The following RAB7A variants were observed in gnomAD, a reference collection of about 807,000 sequenced individuals.
RAB7A encodes the protein ras-related protein Rab-7a.
Under a neutral mutation model 24.5 loss-of-function variants are expected in RAB7A, and 2 were observed. That is an observed-to-expected ratio of 0.08 (90% CI 0.03 to 0.26). RAB7A has a LOEUF of 0.26. Ranked by LOEUF, RAB7A falls within the 10% of genes least tolerant of loss-of-function variation. The pLI is 1.00. For synonymous variants in RAB7A, 100 were observed against 95.9 expected, an observed-to-expected ratio of 1.04 and a Z score of -0.25; for missense variants, 118 against 255.7, an observed-to-expected ratio of 0.46 and a Z score of 3.67.
intron 1 of RAB7A, among the ~76,000 whole-genome samples, chr3:128,736,702 A>G (rs1326952746): frequency 1.3e-5 from 2 of 152,190 alleles, no homozygotes; most frequent in African/African-American, 2.4e-5. Flanking sequence ...AAATTTAAAT[A>G]CAGTTGAATA....
chr3:128,780,227 A>G (rs1334734673), intron 1 of RAB7A, among the ~76,000 whole-genome samples: 1 of 152,324 alleles, frequency 6.6e-6, no homozygotes, highest in East Asian at 1.9e-4. Context: ...TAGAAATCCT[A>G]TCTCTAGGAA....
chr3:128,799,151 C>T (rs1559795682), intron 3 of RAB7A: 1 of 152,934 alleles, frequency 6.5e-6, no homozygotes, highest in Non-Finnish European at 1.5e-5. Context: ...GGGAGCACAG[C>T]CTAATAAGAA....
In RAB7A at chr3:128,734,438, G is replaced by A. The variant is rs368839695; in HGVS notation, c.-9+8079G>A. Among the ~76,000 whole-genome samples, 224 of 116,194 alleles carry A rather than the reference G, an allele frequency of 1.9e-3. 2 individuals carry two copies. In the Middle Eastern group the frequency reaches 0.083, roughly 43 times the overall value. 76.2% of individuals were successfully genotyped at this position (116,194 alleles called of 152,430 possible). ...CCACTGCACTCTAGCCTGGGCGACA[G>A]AATGAGACCCTACCTCAAAAAAAAA... On this transcript the variant is annotated intron_variant, in intron 1 of 5. Coordinates refer to ENST00000265062, the MANE Select transcript of RAB7A (RefSeq NM_004637.6).
chr3:128,760,301 G>A (rs550308391), intron 1 of RAB7A, among the ~76,000 whole-genome samples: 3 of 152,202 alleles, frequency 2.0e-5, no homozygotes, highest in African/African-American at 4.8e-5. Flanking sequence ...CAGCTCTCCC[G>A]ATTCTCAGAC....
chr3:128,765,794 T>C (rs2070825821), intron 1 of RAB7A, among the ~76,000 whole-genome samples: 1 of 148,916 alleles, frequency 6.7e-6, no homozygotes, highest in South Asian at 2.1e-4. Context: ...AGAGTTTCTC[T>C]CTTGTCGCCC....
At chr3:128,796,133 G>A (rs929974107) in intron 2 of RAB7A, among the ~76,000 whole-genome samples, 3 of 152,104 alleles carry the variant, frequency 2.0e-5, no homozygotes, top group Non-Finnish European at 4.4e-5. Flanking sequence ...AGCCTGGGAC[G>A]GCAGAACTGG....
intron 1 of RAB7A, chr3:128,765,087 G>A: frequency 1.2e-6 from 1 of 869,398 alleles, no homozygotes; most frequent in Middle Eastern, 3.2e-4. Context: ...CCTTGGGATG[G>A]TCCGAGGGTG....
chr3:128,738,099 C>G (rs2070510718), intron 1 of RAB7A, among the ~76,000 whole-genome samples: 1 of 152,058 alleles, frequency 6.6e-6, no homozygotes, highest in South Asian at 2.1e-4. Context: ...GTGGCCTGAA[C>G]ACAGCTCACT....
intron 1 of RAB7A, among the ~76,000 whole-genome samples, chr3:128,772,959 G>A (rs950702388): frequency 2.0e-5 from 3 of 152,156 alleles, no homozygotes; most frequent in Non-Finnish European, 4.4e-5. Context: ...CCTCCCAGCC[G>A]CCTGCCTTGG....
At chr3:128,749,739 A>G (rs1242654507) in intron 1 of RAB7A, among the ~76,000 whole-genome samples, 1 of 152,174 alleles carries the variant, frequency 6.6e-6, no homozygotes, top group Non-Finnish European at 1.5e-5. Flanking sequence ...GCCGCCATCC[A>G]TGTGAGATGT....
At chr3:128,772,717 T>C (rs538209912) in intron 1 of RAB7A, among the ~76,000 whole-genome samples, 1 of 152,356 alleles carries the variant, frequency 6.6e-6, no homozygotes, top group East Asian at 1.9e-4. Context: ...ATTAAGGGTT[T>C]AAAAGCCTGC....
At chr3:128,786,912 G>A (rs974927500) in intron 1 of RAB7A, among the ~76,000 whole-genome samples, 2 of 152,160 alleles carry the variant, frequency 1.3e-5, no homozygotes, top group African/African-American at 4.8e-5. Flanking sequence ...TCCATGTGCT[G>A]AATATCATGC....
At chr3:128,761,749 AGT>A (rs1453326675) in intron 1 of RAB7A, among the ~76,000 whole-genome samples, 2 of 152,268 alleles carry the variant, frequency 1.3e-5, no homozygotes, top group African/African-American at 4.8e-5. Flanking sequence ...TTGGAATTTT[AGT>A]TAAATTACAG....
At chr3:128,745,764 G>A (rs148872161) in intron 1 of RAB7A, among the ~76,000 whole-genome samples, 1,895 of 152,328 alleles carry the variant, frequency 0.012, 35 homozygotes, top group African/African-American at 0.041. Flanking sequence ...AGGTGGGATG[G>A]AGGGACTCAC....
intron 1 of RAB7A, among the ~76,000 whole-genome samples, chr3:128,751,413 C>T (rs368341380): frequency 2.0e-5 from 3 of 152,258 alleles, no homozygotes; most frequent in Admixed American, 6.5e-5. Context: ...TTCAGTGTGA[C>T]GTGGATGTGA....
chr3:128,791,864 C>A (rs983965219), intron 1 of RAB7A, among the ~76,000 whole-genome samples: 6 of 152,318 alleles, frequency 3.9e-5, no homozygotes, highest in East Asian at 1.9e-4. Context: ...ACTGCTGCTG[C>A]TGATGACCTG....
At chr3:128,743,113 T>C (rs1481925930) in intron 1 of RAB7A, among the ~76,000 whole-genome samples, 1 of 152,102 alleles carries the variant, frequency 6.6e-6, no homozygotes, top group East Asian at 1.9e-4. Context: ...GTGGCACAGG[T>C]GGGCTGGCGG....
chr3:128,758,274 G>GTTTTTTTTT (rs35360318), intron 1 of RAB7A, among the ~76,000 whole-genome samples: 6 of 126,738 alleles, frequency 4.7e-5, no homozygotes, highest in Non-Finnish European at 3.3e-5. Flanking sequence ...TTGTTTTTTT[G>GTTTTTTTTT]TTTTTTTTTT....
intron 1 of RAB7A, chr3:128,749,308 A>T (rs761869078): frequency 1.4e-4 from 22 of 152,196 alleles, no homozygotes; most frequent in Non-Finnish European, 3.2e-4. Flanking sequence ...TATTGGAGTG[A>T]TTCAGGACCT....
Sources: gnomAD v4.1 joint callset for allele counts (sites outside exome capture counted in the v4.1 genomes callset) on GRCh38, gnomAD v4.1.1 for gene constraint, MANE v1.5 for transcripts, NCBI Gene and HGNC (gene_info 2026-07-23, HGNC 2026-07-21) for gene names.